The following ABR variants were observed in gnomAD, a reference collection of about 807,000 sequenced individuals.
ABR encodes active breakpoint cluster region-related protein.
A neutral mutation model predicts 107.2 loss-of-function variants in ABR; 35 were observed. That is an observed-to-expected ratio of 0.33 (90% confidence interval 0.25 to 0.43). The LOEUF (loss-of-function observed/expected upper bound fraction) is 0.43, where lower values mean the gene tolerates loss of function less well. ABR is among the 20% of genes least tolerant of loss of function. The pLI is 1.00. For synonymous variants in ABR, 498 were observed against 462.0 expected (o/e 1.08, Z -1.00); for missense variants, 815 against 1,115.2 (o/e 0.73, Z 3.83).
rs531982663 is a variant in ABR, at chr17:1,150,702, C to T, written c.62-25335G>A. 1.5e-4 allele frequency among the ~76,000 whole-genome samples: 23 copies of T among 152,294 alleles called. No individual in the cohort carries two copies. The South Asian group carries it at 2.5e-3, about 16-fold the overall frequency. ...ACACGGTCTGTGGTAACATCCTGCA[C>T]GGCTCTAAACCAGAGGCAACAGGGC... is the stretch of plus-strand genomic sequence containing the variant. On this transcript the variant is annotated intron_variant, in intron 1 of 22. Transcript: ENST00000302538. This position sits in a 1 kb window ranked among gnomAD's most constrained non-coding sequence, Gnocchi z 4.8.
upstream of ABR, among the ~76,000 whole-genome samples, chr17:1,188,549 CAAAAA>C (rs71148442): frequency 7.0e-6 from 1 of 142,162 alleles, no homozygotes; most frequent in Non-Finnish European, 1.5e-5. Context: ...GACTCCGTCT[CAAAAA>C]AAAAAAAAAA....
At chr17:1,223,915 G>A (rs115862152) in intron 1 of ABR, among the ~76,000 whole-genome samples, 1,547 of 152,250 alleles carry the variant, frequency 0.01, 26 homozygotes, top group African/African-American at 0.036. Context: ...CTCGACACGT[G>A]GGGATGACAA....
Position 1,011,061 on chromosome 17 carries a change from CTGGG to C in ABR, c.2102-202_2102-199del. On this transcript the variant is annotated intron_variant, in intron 19 of 22. Coordinates refer to ENST00000302538, the MANE Select transcript of ABR (RefSeq NM_021962.5). This position sits in a 1 kb window ranked among gnomAD's most constrained non-coding sequence, Gnocchi z 4.8. ...GGTTGGGGGAACAGGGAGAGATAGCCTGGGGGCCATCTGCTGTGGCTGCTTGGGA... is the reference window on the plus strand; with the variant it reads ...GGTTGGGGGAACAGGGAGAGATAGCCGGCCATCTGCTGTGGCTGCTTGGGA... The C allele has an allele frequency of 1.6e-6, 1 of 639,628 alleles. No individual in the cohort carries two copies. Among genetic ancestry groups the C allele is most frequent in the Non-Finnish European group, 2.7e-6 (1 of 375,920 alleles). 39.6% of individuals were successfully genotyped at this position (639,628 alleles called of 1,614,324 possible).
intron 1 of ABR, among the ~76,000 whole-genome samples, chr17:1,165,585 G>A (rs866525181): frequency 3.3e-5 from 5 of 152,218 alleles, no homozygotes; most frequent in African/African-American, 1.2e-4. Context: ...AGGCTGGAGT[G>A]CAATGGTGTG....
At chr17:1,134,785 C>T (rs78186195) in intron 1 of ABR, among the ~76,000 whole-genome samples, 8,756 of 152,280 alleles carry the variant, frequency 0.057, 344 homozygotes, top group Middle Eastern at 0.16. Context: ...AGGGACCCTG[C>T]GGTCCGGCAG....
intron 1 of ABR, among the ~76,000 whole-genome samples, chr17:1,147,098 C>T (rs2040587565): frequency 6.6e-6 from 1 of 152,258 alleles, no homozygotes; most frequent in Admixed American, 6.5e-5. Context: ...GGTGCTCAGT[C>T]CTGGCTAACA....
rs115296353 is a variant in ABR at position 1,168,696 on chromosome 17, A to G, written c.61+10971T>C. ...CCTTCACTCAGGGAGGGGCTTGAGG[A>G]CAGACACGGCAGGCACCCACAACAA... On this transcript the variant is annotated intron_variant, in intron 1 of 22. Coordinates refer to ENST00000302538, the MANE Select transcript of ABR (RefSeq NM_021962.5). 5.4e-3 allele frequency among the ~76,000 whole-genome samples: 816 copies of G among 152,292 alleles called. 9 individuals are homozygous for G. Among genetic ancestry groups the G allele is most frequent in the African/African-American group, 0.019 (770 of 41,570 alleles).
rs1477421423 is a variant in ABR, at chr17:1,003,891, G to A, written c.*2189C>T. The A allele has an allele frequency of 2.0e-5, 3 of 152,344 alleles. No individual in the cohort carries two copies. The highest frequency in any genetic ancestry group is 6.5e-5 in the Admixed American group (1 of 15,284). 9.4% of individuals were successfully genotyped at this position (152,344 alleles called of 1,614,324 possible). A position where few individuals can be genotyped will look rare whatever the true frequency, so the allele number is the denominator to read the frequency against. On this transcript the variant is annotated 3_prime_UTR_variant, in exon 23 of 23. Transcript: ENST00000302538. ...GGGCTGCATGGTCCCCGGCTCACAGGAGACCCTGCTGGGTGTTTCCTTGGT... is the reference window on the plus strand; with the variant it reads ...GGGCTGCATGGTCCCCGGCTCACAGAAGACCCTGCTGGGTGTTTCCTTGGT...
chr17:1,197,048 C>T (rs1040221413), intron 1 of ABR, among the ~76,000 whole-genome samples: 12 of 151,552 alleles, frequency 7.9e-5, no homozygotes, highest in South Asian at 2.1e-4. Flanking sequence ...TTCCCAAATG[C>T]TCCGGGAACC....
rs925334205 is a variant in ABR at position 1,010,646 on chromosome 17, T to C, written c.2236+83A>G. The C allele has an allele frequency of 2.6e-6, 4 of 1,552,180 alleles. No homozygotes were observed. The highest frequency in any genetic ancestry group is 3.5e-6 in the Non-Finnish European group (4 of 1,146,030). ...CAGCCAGCAAAGGAAGCCACAGATA[T>C]TTCTCCTGCTGGTTACTTCTCCGGG... On this transcript the variant is annotated intron_variant, in intron 20 of 22. Transcript: ENST00000302538. This position sits in a 1 kb window ranked among gnomAD's most constrained non-coding sequence, Gnocchi z 4.1.
rs2041091424 is a variant in ABR, at chr17:1,157,471, G to A, written c.61+22196C>T. On this transcript the variant is annotated intron_variant, in intron 1 of 22. Coordinates refer to ENST00000302538, the MANE Select transcript of ABR (RefSeq NM_021962.5). The surrounding 1 kb of genome is among the most constrained non-coding windows in gnomAD (Gnocchi z 4.7). ...TCACCATGTTGGCCAGGCTGGTCTCGAACTCCTGACCTCATGTGATCTGCC... is the reference window on the plus strand; with the variant it reads ...TCACCATGTTGGCCAGGCTGGTCTCAAACTCCTGACCTCATGTGATCTGCC... Among the ~76,000 whole-genome samples, 1 of 151,936 alleles carries A rather than the reference G, an allele frequency of 6.6e-6. No individual in the cohort carries two copies. Among genetic ancestry groups the A allele is most frequent in the African/African-American group, 2.4e-5 (1 of 41,350 alleles).
chr17:1,032,494 A>G (rs4968146), intron 16 of ABR, among the ~76,000 whole-genome samples: 63,582 of 144,186 alleles, frequency 0.44, 15,249 homozygotes, highest in African/African-American at 0.56. Flanking sequence ...ACTTTGAACC[A>G]TGGCCCTTTG....
intron 2 of ABR, among the ~76,000 whole-genome samples, chr17:1,103,573 C>T (rs937132603): frequency 6.6e-6 from 1 of 152,182 alleles, no homozygotes; most frequent in East Asian, 1.9e-4. Context: ...CCCCCTGGCA[C>T]GAGCATAGAC....
At chr17:1,167,708 A>G (rs991602369) in intron 1 of ABR, among the ~76,000 whole-genome samples, 2 of 152,240 alleles carry the variant, frequency 1.3e-5, no homozygotes, top group African/African-American at 4.8e-5. Flanking sequence ...CGGAGGCTAA[A>G]TGAGATACTG....
intron 2 of ABR, among the ~76,000 whole-genome samples, chr17:1,117,961 CCCCAGCGTTATCCCTGAGCCTGAGTTCCT>C (rs2039111566): frequency 1.4e-5 from 1 of 70,416 alleles, no homozygotes; most frequent in Non-Finnish European, 2.9e-5. Context: ...CCTGAGTTCT[CCCCAGCGTTATCCCTGAGCCTGAGTTCCT>C]CCCAGCGTTA....
intron 2 of ABR, among the ~76,000 whole-genome samples, chr17:1,103,954 T>C (rs559437558): frequency 4.6e-5 from 7 of 152,278 alleles, no homozygotes; most frequent in Non-Finnish European, 8.8e-5. Context: ...CTTCAGTCTT[T>C]GCAGGGCGTC....
At chr17:1,185,908 T>C (rs1326295171) in intron 1 of ABR, among the ~76,000 whole-genome samples, 1 of 151,842 alleles carries the variant, frequency 6.6e-6, no homozygotes. Flanking sequence ...GGATCTCGGC[T>C]CACTGCAACC....
chr17:1,029,655 G>A lies in ABR; in HGVS notation c.1792-16491C>T, dbSNP rs1329987898. 2.6e-5 allele frequency among the ~76,000 whole-genome samples: 4 copies of A among 152,110 alleles called. No individual in the cohort carries two copies. In the East Asian group the frequency reaches 7.7e-4, roughly 29 times the overall value. ...GAAACTGCCTAGTCCCAGCCCCTCGGCCCAACTGTGAAGCTCCTGCAGGAA... is the reference window on the plus strand; with the variant it reads ...GAAACTGCCTAGTCCCAGCCCCTCGACCCAACTGTGAAGCTCCTGCAGGAA... On this transcript the variant is annotated intron_variant, in intron 16 of 22. Transcript: ENST00000302538.
intron 10 of ABR, among the ~76,000 whole-genome samples, chr17:1,066,013 G>A (rs571322689): frequency 6.6e-6 from 1 of 152,222 alleles, no homozygotes; most frequent in African/African-American, 2.4e-5. Flanking sequence ...CTAAAGTGCT[G>A]GGATTACAGG....
Sources: allele counts gnomAD v4.1 joint callset (sites outside exome capture counted in the v4.1 genomes callset), GRCh38; gene constraint gnomAD v4.1.1; non-coding constraint Gnocchi (gnomAD v3.1); transcripts MANE v1.5; gene names NCBI Gene and HGNC (gene_info 2026-07-23, HGNC 2026-07-21).